Variants in ERBB4 observed in about 807,000 individuals in gnomAD.
ERBB4 encodes the protein erb-b2 receptor tyrosine kinase 4.
In ERBB4, 42 loss-of-function variants were observed where a neutral mutation model predicts 158.0. The observed-to-expected ratio is 0.27, with a 90% CI of 0.21 to 0.34. The LOEUF (loss-of-function observed/expected upper bound fraction) is 0.34, where lower values mean the gene tolerates loss of function less well. ERBB4 is among the 10% of genes least tolerant of loss of function. The pLI is 1.00. For missense variants in ERBB4, 1,333 were observed against 1,624.1 expected, an observed-to-expected ratio of 0.82 and a Z score of 3.08; for synonymous variants, 583 against 558.7, an observed-to-expected ratio of 1.04 and a Z score of -0.61.
At chr2:212,052,720 G>A (rs2077434582) in intron 2 of ERBB4, among the ~76,000 whole-genome samples, 2 of 152,050 alleles carry the variant, frequency 1.3e-5, no homozygotes, top group Admixed American at 6.6e-5. Flanking sequence ...CACAGGCAAG[G>A]GACTAAAACC....
At chr2:211,810,296 A>C (rs2105913303) in intron 3 of ERBB4, among the ~76,000 whole-genome samples, 1 of 152,288 alleles carries the variant, frequency 6.6e-6, no homozygotes, top group Non-Finnish European at 1.5e-5. Flanking sequence ...GGGGTGTTAA[A>C]GTCTCCCATT....
intron 1 of ERBB4, among the ~76,000 whole-genome samples, chr2:212,461,521 AT>A (rs1688574481): frequency 6.6e-6 from 1 of 152,074 alleles, no homozygotes; most frequent in Non-Finnish European, 1.5e-5. Context: ...CCCCCACTCT[AT>A]TTAGGAAGTA....
chr2:211,685,502 C>T (rs181256826), intron 12 of ERBB4, among the ~76,000 whole-genome samples: 1 of 152,312 alleles, frequency 6.6e-6, no homozygotes, highest in Admixed American at 6.5e-5. Flanking sequence ...ACCAATAACA[C>T]ACAGCCTTAA....
chr2:211,659,991 G>C (rs547937498), intron 15 of ERBB4, among the ~76,000 whole-genome samples: 25 of 152,258 alleles, frequency 1.6e-4, no homozygotes, highest in African/African-American at 6.0e-4. Flanking sequence ...CTGGGGTTGG[G>C]GTGGCGGTGG....
At chr2:211,558,025 A>G (rs778757836) in intron 20 of ERBB4, among the ~76,000 whole-genome samples, 1 of 152,168 alleles carries the variant, frequency 6.6e-6, no homozygotes, top group African/African-American at 2.4e-5. Flanking sequence ...ACAGAAAACC[A>G]AATACCACTT....
intron 1 of ERBB4, among the ~76,000 whole-genome samples, chr2:212,353,153 G>C (rs978861750): frequency 6.6e-6 from 1 of 151,720 alleles, no homozygotes; most frequent in African/African-American, 2.4e-5. Flanking sequence ...TTTTTGTTAG[G>C]CTTTGAATTC....
intron 3 of ERBB4, among the ~76,000 whole-genome samples, chr2:211,938,918 G>T (rs1402792737): frequency 6.6e-6 from 1 of 152,090 alleles, no homozygotes; most frequent in East Asian, 1.9e-4. Flanking sequence ...AAATGTTTGT[G>T]CATTACAGAT....
intron 17 of ERBB4, among the ~76,000 whole-genome samples, chr2:211,625,850 T>A (rs1029431860): frequency 2.0e-4 from 30 of 152,222 alleles, no homozygotes; most frequent in African/African-American, 6.8e-4. Context: ...AAAATATACA[T>A]TGTGTATATG....
chr2:211,938,736 T>C (rs2080400195), intron 3 of ERBB4, among the ~76,000 whole-genome samples: 1 of 152,086 alleles, frequency 6.6e-6, no homozygotes, highest in South Asian at 2.1e-4. Context: ...TTGTCAGAAA[T>C]ATAGTATTTA....
chr2:211,709,272 T>TATATATATATATAC (rs1216222413), intron 9 of ERBB4, among the ~76,000 whole-genome samples: 7 of 141,082 alleles, frequency 5.0e-5, no homozygotes, highest in African/African-American at 2.0e-4. Context: ...TATATATATA[T>TATATATATATATAC]ATACATACAT....
intron 1 of ERBB4, among the ~76,000 whole-genome samples, chr2:212,432,886 A>T (rs1288678548): frequency 6.6e-6 from 1 of 152,078 alleles, no homozygotes; most frequent in African/African-American, 2.4e-5. Flanking sequence ...GAGGATAGTA[A>T]TGGCAGCCAC....
intron 1 of ERBB4, among the ~76,000 whole-genome samples, chr2:212,329,617 A>G (rs1246643873): frequency 6.6e-6 from 1 of 152,026 alleles, no homozygotes; most frequent in East Asian, 1.9e-4. Context: ...CCAGCCCTAG[A>G]GATTAGATTC....
chr2:211,987,435 A>G (rs2125245353), intron 2 of ERBB4, among the ~76,000 whole-genome samples: 1 of 152,164 alleles, frequency 6.6e-6, no homozygotes, highest in African/African-American at 2.4e-5. Context: ...GTCTTTTAAA[A>G]ACAATGGAAA....
At chr2:211,977,858 C>CA (rs34095237) in intron 2 of ERBB4, among the ~76,000 whole-genome samples, 25,615 of 109,890 alleles carry the variant, frequency 0.23, 3,539 homozygotes, top group East Asian at 0.59. Context: ...AACTCCGTCT[C>CA]AAAAAAAAAA....
At chr2:212,046,510 CA>C (rs1448481403) in intron 2 of ERBB4, among the ~76,000 whole-genome samples, 1 of 152,184 alleles carries the variant, frequency 6.6e-6, no homozygotes, top group Non-Finnish European at 1.5e-5. Flanking sequence ...ATATCACTCC[CA>C]TATGAGTTTC....
intron 3 of ERBB4, among the ~76,000 whole-genome samples, chr2:211,816,063 T>C (rs1282854563): frequency 6.6e-6 from 1 of 152,080 alleles, no homozygotes; most frequent in South Asian, 2.1e-4. Context: ...CCAGCTTCTC[T>C]CTTTCCCCAG....
intron 5 of ERBB4, among the ~76,000 whole-genome samples, chr2:211,726,705 CCAT>C (rs2074279839): frequency 6.6e-6 from 1 of 152,100 alleles, no homozygotes; most frequent in Non-Finnish European, 1.5e-5. Context: ...TTCTCAGATC[CCAT>C]CTTTTCCTTC....
intron 1 of ERBB4, among the ~76,000 whole-genome samples, chr2:212,277,858 A>T (rs1347419357): frequency 6.6e-6 from 1 of 151,746 alleles, no homozygotes; most frequent in Non-Finnish European, 1.5e-5. Context: ...GGAAATCAGT[A>T]AACAGAGGAG....
intron 3 of ERBB4, among the ~76,000 whole-genome samples, chr2:211,798,773 C>A (rs181059098): frequency 5.0e-4 from 76 of 152,092 alleles, no homozygotes; most frequent in Admixed American, 2.2e-3. Flanking sequence ...ATATATTGAG[C>A]TAAAATATTA....
Sources: gnomAD v4.1 joint callset for allele counts (sites outside exome capture counted in the v4.1 genomes callset) on GRCh38, gnomAD v4.1.1 for gene constraint, MANE v1.5 for transcripts, NCBI Gene and HGNC (gene_info 2026-07-23, HGNC 2026-07-21) for gene names.